ZNF521: variants seen among roughly 807,000 people sequenced by gnomAD.
ZNF521 encodes zinc finger protein 521, also known as LYST-interacting protein 3.
A neutral mutation model predicts 105.5 loss-of-function variants in ZNF521; 14 were observed. The ratio of observed to expected loss-of-function variants is 0.13; its 90% confidence interval spans 0.09 to 0.21. ZNF521 has a LOEUF of 0.21. Ranked by LOEUF, ZNF521 falls within the 10% of genes least tolerant of loss-of-function variation. The pLI, the probability that ZNF521 is intolerant of heterozygous loss-of-function variation, is 1.00. For missense variants in ZNF521, 1,233 were observed against 1,629.7 expected (o/e 0.76, Z 4.19); for synonymous variants, 635 against 606.0 (o/e 1.05, Z -0.70).
rs7231227 is a variant in ZNF521 at position 25,328,837 on chromosome 18, C to T, written c.41-6650G>A. ...AAAGTGCTGGGATTACAGGCGTGAG[C>T]CATCGCGCTGGCCTATTCCCCCTTT... On this transcript the variant is annotated intron_variant, in intron 2 of 7. Coordinates refer to ENST00000361524, the MANE Select transcript of ZNF521 (RefSeq NM_015461.3). Among the ~76,000 whole-genome samples the T allele has an allele frequency of 8.0e-3, 1,213 of 152,292 alleles. 17 individuals carry two copies. The highest frequency in any genetic ancestry group is 0.026 in the African/African-American group (1,088 of 41,564).
intron 3 of ZNF521, among the ~76,000 whole-genome samples, chr18:25,299,909 C>A (rs748744386): frequency 1.3e-5 from 2 of 152,186 alleles, no homozygotes; most frequent in Non-Finnish European, 2.9e-5. Flanking sequence ...ACTGCCATCC[C>A]ACGTGCTCCT....
intron 7 of ZNF521, among the ~76,000 whole-genome samples, chr18:25,066,049 C>T (rs962600410): frequency 1.2e-4 from 18 of 152,204 alleles, no homozygotes; most frequent in South Asian, 4.1e-4. Context: ...TAAGTAATAT[C>T]AACCTAAGAA....
intron 7 of ZNF521, among the ~76,000 whole-genome samples, chr18:25,087,245 G>T (rs553555654): frequency 6.6e-6 from 1 of 152,112 alleles, no homozygotes; most frequent in African/African-American, 2.4e-5. Flanking sequence ...TATACTAATC[G>T]TAGAAAAGAG....
chr18:25,249,674 C>A (rs1480157541), intron 3 of ZNF521, among the ~76,000 whole-genome samples: 1 of 151,996 alleles, frequency 6.6e-6, no homozygotes, highest in Non-Finnish European at 1.5e-5. Flanking sequence ...GTTGGCCAGG[C>A]TGATCTCGAA....
intron 5 of ZNF521, among the ~76,000 whole-genome samples, chr18:25,099,079 G>T (rs1358962823): frequency 6.6e-6 from 1 of 152,074 alleles, no homozygotes; most frequent in Non-Finnish European, 1.5e-5. Flanking sequence ...ACCTATTCTT[G>T]CTACAGTGCA....
At chr18:25,289,431 A>G (rs1188624902) in intron 3 of ZNF521, among the ~76,000 whole-genome samples, 1 of 152,178 alleles carries the variant, frequency 6.6e-6, no homozygotes, top group Non-Finnish European at 1.5e-5. Flanking sequence ...TGCAAGAGGC[A>G]TCAATGAGGA....
chr18:25,226,662 G>T lies in ZNF521; in HGVS notation c.1256C>A (p.Ala419Glu). The change falls in exon 4 of 8, where the codon GCA becomes GAA. Residue 419 changes from alanine to glutamate, a missense_variant. This residue lies in a region of ZNF521 where 380 missense variants were observed against 478.0 expected (regional missense o/e 0.80). Transcript: ENST00000361524. The surrounding 1 kb of genome is among the most constrained non-coding windows in gnomAD (Gnocchi z 4.1). ...YCNKQLFSSL[A>E]VLQIHLKTMH... Reference sequence around the variant, plus strand: ...AGTTTTCAGGTGAATCTGCAGAACTGCAAGACTTGAAAATAATTGTTTGTT... The same window carrying T: ...AGTTTTCAGGTGAATCTGCAGAACTTCAAGACTTGAAAATAATTGTTTGTT... 1 of 1,614,192 alleles carries T rather than the reference G, an allele frequency of 6.2e-7. No individual in the cohort carries two copies. The highest frequency in any genetic ancestry group is 8.5e-7 in the Non-Finnish European group (1 of 1,180,028).
chr18:25,254,115 T>G (rs1446367173), intron 3 of ZNF521, among the ~76,000 whole-genome samples: 22 of 152,160 alleles, frequency 1.4e-4, no homozygotes, highest in Admixed American at 1.4e-3. Context: ...CCTAAAATAG[T>G]AATGAAGTCT....
Position 25,089,453 on chromosome 18 carries a change from T to C in ZNF521, c.3906+12A>G, listed in dbSNP as rs1232571774. 4 of 1,583,794 alleles carry C rather than the reference T, an allele frequency of 2.5e-6. No homozygotes were observed. Among genetic ancestry groups the C allele is most frequent in the Non-Finnish European group, 1.7e-6 (2 of 1,152,466 alleles). ...CTGAGTTCAATCCCAGTCCTCCCCATGAGGACATTACCTGCAGCTCTGTTT... is the reference window on the plus strand; with the variant it reads ...CTGAGTTCAATCCCAGTCCTCCCCACGAGGACATTACCTGCAGCTCTGTTT... On this transcript the variant is annotated intron_variant, in intron 7 of 7. Coordinates refer to ENST00000361524, the MANE Select transcript of ZNF521 (RefSeq NM_015461.3).
At position 25,333,860 on chromosome 18, in the gene ZNF521, C is replaced by T. The variant is rs550391830; in HGVS notation, c.41-11673G>A. Among the ~76,000 whole-genome samples the T allele has an allele frequency of 1.8e-4, 27 of 152,328 alleles. 2 individuals are homozygous for T. The South Asian group carries it at 5.6e-3, about 32-fold the overall frequency. On this transcript the variant is annotated intron_variant, in intron 2 of 7. Transcript: ENST00000361524. ...ACAGGCAGTGTGGTATTACCAGGGG[C>T]TAGTCAGCCCAAAGCCAGGTGCACT...
At chr18:25,203,715 T>C (rs1484821446) in intron 4 of ZNF521, among the ~76,000 whole-genome samples, 2 of 152,128 alleles carry the variant, frequency 1.3e-5, no homozygotes, top group Non-Finnish European at 2.9e-5. Flanking sequence ...TCTGGCCAAC[T>C]GACTAGACAA....
chr18:25,259,474 G>C (rs1254758747), intron 3 of ZNF521, among the ~76,000 whole-genome samples: 5 of 152,134 alleles, frequency 3.3e-5, no homozygotes. Context: ...TCTAGCTGGG[G>C]ATCAGATTAG....
intron 2 of ZNF521, among the ~76,000 whole-genome samples, chr18:25,349,383 G>C (rs1192271714): frequency 6.6e-6 from 1 of 152,162 alleles, no homozygotes; most frequent in Non-Finnish European, 1.5e-5. Flanking sequence ...AAAAATGAGG[G>C]GCCCATGTGA....
intron 5 of ZNF521, among the ~76,000 whole-genome samples, chr18:25,179,340 G>A (rs1170340112): frequency 6.6e-6 from 1 of 150,972 alleles, no homozygotes; most frequent in African/African-American, 2.4e-5. Flanking sequence ...AGTAGAGATG[G>A]GGTTTCGCTC....
At chr18:25,314,353 T>C (rs1357334193) in intron 3 of ZNF521, among the ~76,000 whole-genome samples, 2 of 152,152 alleles carry the variant, frequency 1.3e-5, no homozygotes, top group Non-Finnish European at 2.9e-5. Flanking sequence ...GCCACAACCA[T>C]ATGACACATG....
At chr18:25,064,071 C>T (rs546009151) in intron 7 of ZNF521, among the ~76,000 whole-genome samples, 3 of 152,332 alleles carry the variant, frequency 2.0e-5, no homozygotes, top group Admixed American at 6.5e-5. Context: ...CACATCAGCA[C>T]CTGGCACATG....
At chr18:25,272,993 G>C (rs547594161) in intron 3 of ZNF521, among the ~76,000 whole-genome samples, 75 of 151,980 alleles carry the variant, frequency 4.9e-4, no homozygotes, top group Non-Finnish European at 9.9e-4. Context: ...TTGGGAGGCA[G>C]AAGCAGGTGG....
chr18:25,318,718 T>C (rs1303392375), intron 3 of ZNF521, among the ~76,000 whole-genome samples: 1 of 152,130 alleles, frequency 6.6e-6, no homozygotes, highest in Non-Finnish European at 1.5e-5. Context: ...TATGAACATA[T>C]GGTTTTTATT....
intron 5 of ZNF521, among the ~76,000 whole-genome samples, chr18:25,183,979 G>A (rs1363807454): frequency 1.3e-5 from 2 of 152,132 alleles, no homozygotes; most frequent in Non-Finnish European, 2.9e-5. Context: ...GAAACAGATA[G>A]GGGATGGTAT....
Sources: allele counts gnomAD v4.1 joint callset (sites outside exome capture counted in the v4.1 genomes callset), GRCh38; gene constraint gnomAD v4.1.1; regional missense constraint gnomAD v4.1.1; non-coding constraint Gnocchi (gnomAD v3.1); transcripts MANE v1.5; gene names NCBI Gene and HGNC (gene_info 2026-07-23, HGNC 2026-07-21).